Variants in FANCB observed in about 807,000 individuals in gnomAD.
FANCB encodes the protein Fanconi anemia group B protein.
A neutral mutation model predicts 38.9 loss-of-function variants in FANCB; 5 were observed. That is an observed-to-expected ratio of 0.13 (90% CI 0.07 to 0.27). FANCB has a LOEUF of 0.27. Among genes scored for constraint, FANCB ranks in the 10% least tolerant of loss-of-function variants. The pLI is 1.00. For synonymous variants in FANCB, 236 were observed against 215.4 expected (o/e 1.10, Z -0.84); for missense variants, 573 against 602.7 (o/e 0.95, Z 0.52).
At position 14,853,066 on chromosome X, in the gene FANCB, T is replaced by C; in HGVS notation, c.1299A>G (p.Lys433=). The change falls in exon 6 of 10, where the codon AAA becomes AAG. Residue 433 remains lysine, a synonymous_variant. Transcript: ENST00000650831. ...CCTCTGCACTTGACGTATTATCATC[T>C]TTTCCTTGAACTAGGTTTATTAAAG... is the stretch of plus-strand genomic sequence containing the variant. ...YKALINLVQG[K]DDNTSSAEEK... is the part of the protein sequence containing the mutation. 8.3e-7 allele frequency: 1 copy of C among 1,202,476 alleles called. No homozygotes were observed. Among genetic ancestry groups the C allele is most frequent in the South Asian group, 1.8e-5 (1 of 56,522 alleles).
chrX:14,786,214 G>A, the FANCB span, among the ~76,000 whole-genome samples: 1 of 111,391 alleles, frequency 9.0e-6, no homozygotes, highest in Non-Finnish European at 1.9e-5. Context: ...TTCAGCCAAA[G>A]GGAATTCCCA....
downstream of FANCB, chrX:14,835,152 C>T: frequency 1.9e-6 from 1 of 535,044 alleles, no homozygotes; most frequent in South Asian, 2.3e-5. Context: ...CAACAATGTG[C>T]AGTTCATCCT....
the FANCB span, among the ~76,000 whole-genome samples, chrX:14,765,820 T>C: frequency 9.0e-6 from 1 of 111,641 alleles, no homozygotes; most frequent in East Asian, 2.8e-4. Flanking sequence ...GATCAGGCAG[T>C]GTCCACTCTG....
chrX:14,734,525 T>C, the FANCB span, among the ~76,000 whole-genome samples: 48 of 111,990 alleles, frequency 4.3e-4, no homozygotes, highest in African/African-American at 1.4e-3. Context: ...GAAAATTCTT[T>C]TCTTTAAGCA....
the FANCB span, among the ~76,000 whole-genome samples, chrX:14,701,990 A>C: frequency 8.9e-6 from 1 of 112,238 alleles, no homozygotes; most frequent in African/African-American, 3.2e-5. Context: ...ATGACTGAGG[A>C]CAAAGCATCT....
the FANCB span, among the ~76,000 whole-genome samples, chrX:14,810,969 C>T: frequency 8.1e-5 from 9 of 111,194 alleles, no homozygotes; most frequent in East Asian, 2.8e-4. Context: ...GCGGATCTCT[C>T]GGCAGAAACT....
chrX:14,858,486 A>G (rs1393796397), intron 4 of FANCB, among the ~76,000 whole-genome samples: 2 of 111,360 alleles, frequency 1.8e-5, no homozygotes, highest in Non-Finnish European at 3.8e-5. Context: ...TCCTACTACT[A>G]CCACCTAACA....
At chrX:14,760,840 G>C in the FANCB span, among the ~76,000 whole-genome samples, 1 of 110,618 alleles carries the variant, frequency 9.0e-6, no homozygotes, top group Non-Finnish European at 1.9e-5. Flanking sequence ...GTGTGGTGGC[G>C]TGAGCTTGTA....
At chrX:14,801,436 C>T in the FANCB span, among the ~76,000 whole-genome samples, 3 of 111,846 alleles carry the variant, frequency 2.7e-5, no homozygotes, top group South Asian at 7.4e-4. Context: ...AAAGGAAGGC[C>T]GCTTAGACAA....
At chrX:14,799,127 T>C in the FANCB span, among the ~76,000 whole-genome samples, 537 of 111,889 alleles carry the variant, frequency 4.8e-3, 6 homozygotes, top group Middle Eastern at 0.018. Context: ...TCTTAATGTT[T>C]TTCCAGAAAT....
the FANCB span, among the ~76,000 whole-genome samples, chrX:14,740,055 A>C: frequency 2.8e-4 from 31 of 111,683 alleles, no homozygotes; most frequent in Admixed American, 2.7e-3. Context: ...ATACACACTG[A>C]AGTCTCATTA....
the FANCB span, among the ~76,000 whole-genome samples, chrX:14,778,136 G>A: frequency 0.028 from 3,097 of 111,866 alleles, 99 homozygotes; most frequent in African/African-American, 0.095. Context: ...CATTTAACAG[G>A]TGCTGCTGTT....
At chrX:14,861,023 C>CA (rs1433569571) in intron 3 of FANCB, among the ~76,000 whole-genome samples, 1 of 111,256 alleles carries the variant, frequency 9.0e-6, no homozygotes, top group African/African-American at 3.3e-5. Flanking sequence ...GCTGGGACTA[C>CA]AGGCATATGC....
chrX:14,855,830 G>A (rs1426017041), intron 5 of FANCB, among the ~76,000 whole-genome samples: 2 of 112,105 alleles, frequency 1.8e-5, no homozygotes, highest in Non-Finnish European at 3.8e-5. Context: ...ACCAATTTAA[G>A]TTCAATACAC....
At chrX:14,858,278 C>T (rs1377155538) in intron 4 of FANCB, among the ~76,000 whole-genome samples, 1 of 109,872 alleles carries the variant, frequency 9.1e-6, no homozygotes, top group African/African-American at 3.3e-5. Context: ...ACCTGTAATC[C>T]CAGCTACTTG....
the FANCB span, among the ~76,000 whole-genome samples, chrX:14,712,044 T>C: frequency 1.8e-5 from 2 of 112,912 alleles, no homozygotes; most frequent in Admixed American, 9.3e-5. Context: ...CATGTTATTA[T>C]AGAAAAAAAT....
the FANCB span, among the ~76,000 whole-genome samples, chrX:14,718,513 G>A: frequency 8.9e-6 from 1 of 112,033 alleles, no homozygotes; most frequent in Non-Finnish European, 1.9e-5. Flanking sequence ...CTATGCTCAG[G>A]AATTTGTAAA....
the FANCB span, among the ~76,000 whole-genome samples, chrX:14,821,092 T>C: frequency 1.8e-5 from 2 of 111,816 alleles, no homozygotes; most frequent in Admixed American, 1.9e-4. Context: ...ATTGCATTAC[T>C]AGACATGTTA....
chrX:14,865,226 C>T lies in FANCB; in HGVS notation c.285G>A (p.Val95=), dbSNP rs2092464258. The change falls in exon 3 of 10, where the codon GTG becomes GTA. Residue 95 remains valine, a synonymous_variant. Coordinates refer to ENST00000650831, the MANE Select transcript of FANCB (RefSeq NM_001018113.3). ...FRTGINLPYI[V]IEKNKKNNVF... is the part of the protein sequence containing the mutation. ...CATTATTCTTTTTATTTTTTTCTAT[C>T]ACAATGTAAGGGAGGTTAATTCCAG... is the stretch of plus-strand genomic sequence containing the variant. 2 of 1,151,995 alleles carry T rather than the reference C, an allele frequency of 1.7e-6. No individual in the cohort carries two copies. Among genetic ancestry groups the T allele is most frequent in the African/African-American group, 3.7e-5 (2 of 54,747 alleles). The allele number at this position is 1,151,995 out of a possible 1,213,427, so 94.9% of individuals were successfully genotyped here. A position where few individuals can be genotyped will look rare whatever the true frequency, so the allele number is the denominator to read the frequency against.
Sources: allele counts gnomAD v4.1 joint callset (sites outside exome capture counted in the v4.1 genomes callset), GRCh38; gene constraint gnomAD v4.1.1; transcripts MANE v1.5; gene names NCBI Gene and HGNC (gene_info 2026-07-23, HGNC 2026-07-21).